Variants in PDE11A observed in about 807,000 individuals in gnomAD.
PDE11A encodes the protein dual 3',5'-cyclic-AMP and -GMP phosphodiesterase 11A.
In PDE11A, 100 loss-of-function variants were observed where a neutral mutation model predicts 100.5. That is an observed-to-expected ratio of 1.00 (90% CI 0.85 to 1.18). The LOEUF is 1.18. Ranked by LOEUF, PDE11A falls within the 50% of genes most tolerant of loss-of-function variation. The probability of loss-of-function intolerance (pLI) is 0.00; values close to 1 mark genes in which losing one functional copy is unlikely to be tolerated. For missense variants in PDE11A, 1,141 were observed against 1,152.6 expected (o/e 0.99, Z 0.15); for synonymous variants, 381 against 420.8 (o/e 0.91, Z 1.16).
chr2:178,062,953 G>A (rs1386233013), intron 1 of PDE11A, among the ~76,000 whole-genome samples: 1 of 152,082 alleles, frequency 6.6e-6, no homozygotes, highest in Non-Finnish European at 1.5e-5. Context: ...CTTGATTATA[G>A]GCATGAGATT....
intron 5 of PDE11A, among the ~76,000 whole-genome samples, chr2:177,870,893 G>A (rs1290138092): frequency 6.6e-6 from 1 of 152,110 alleles, no homozygotes; most frequent in Non-Finnish European, 1.5e-5. Flanking sequence ...GCAAATACCT[G>A]TATTCTCCCA....
At chr2:178,067,885 A>G (rs1176144632) in intron 1 of PDE11A, among the ~76,000 whole-genome samples, 1 of 152,182 alleles carries the variant, frequency 6.6e-6, no homozygotes, top group African/African-American at 2.4e-5. Flanking sequence ...GCCTTCTGAA[A>G]GGCAGGCGCA....
At chr2:177,756,049 T>C (rs138094668) in intron 10 of PDE11A, among the ~76,000 whole-genome samples, 1 of 152,228 alleles carries the variant, frequency 6.6e-6, no homozygotes, top group Admixed American at 6.5e-5. Context: ...TTTTACATAC[T>C]ATATAGAGGA....
At chr2:177,762,884 A>AAGGG (rs1389789489) in intron 10 of PDE11A, among the ~76,000 whole-genome samples, 1 of 152,156 alleles carries the variant, frequency 6.6e-6, no homozygotes. Flanking sequence ...AAGGGCCCTC[A>AAGGG]ATACCTAGCC....
chr2:177,984,279 A>G (rs2085916387), intron 2 of PDE11A, among the ~76,000 whole-genome samples: 3 of 152,350 alleles, frequency 2.0e-5, no homozygotes, highest in South Asian at 4.1e-4. Flanking sequence ...TCTTGTAAAC[A>G]GATTGTAGCA....
At chr2:178,000,550 G>A (rs909787359) in intron 2 of PDE11A, among the ~76,000 whole-genome samples, 3 of 152,126 alleles carry the variant, frequency 2.0e-5, no homozygotes, top group African/African-American at 4.8e-5. Flanking sequence ...TTCATTCTCA[G>A]TTGAGGAAAA....
intron 4 of PDE11A, among the ~76,000 whole-genome samples, chr2:177,881,343 C>A (rs1395329107): frequency 3.2e-5 from 3 of 94,572 alleles, no homozygotes; most frequent in Non-Finnish European, 6.9e-5. Context: ...ATCTATCTGT[C>A]TATCTATCTA....
intron 4 of PDE11A, among the ~76,000 whole-genome samples, chr2:177,892,527 C>T (rs2084546166): frequency 6.6e-6 from 1 of 152,232 alleles, no homozygotes; most frequent in African/African-American, 2.4e-5. Flanking sequence ...AGCCTCAAGT[C>T]TGCTTATTGG....
chr2:178,057,493 C>A (rs1477964548), intron 1 of PDE11A, among the ~76,000 whole-genome samples: 1 of 152,176 alleles, frequency 6.6e-6, no homozygotes, highest in East Asian at 1.9e-4. Context: ...GAGTTCCCAG[C>A]CTGACCTTTT....
intron 4 of PDE11A, chr2:177,888,633 A>G (rs949798510): frequency 1.2e-6 from 1 of 821,720 alleles, no homozygotes; most frequent in Non-Finnish European, 1.5e-6. Flanking sequence ...TGAGAGAGGC[A>G]ATCCACAAAA....
Position 178,072,458 on chromosome 2 carries a change from G to A in PDE11A, c.-21C>T. On this transcript the variant is annotated 5_prime_UTR_variant, in exon 1 of 20. Transcript: ENST00000286063. ...GCCATGGTCCCAGACAGCTTTCCTT[G>A]CCTGTTTACACGTGAACCAAATGTT... is the stretch of plus-strand genomic sequence containing the variant. 4.3e-6 allele frequency: 7 copies of A among 1,612,714 alleles called. No homozygotes were observed. Among genetic ancestry groups the A allele is most frequent in the Non-Finnish European group, 5.9e-6 (7 of 1,179,994 alleles).
chr2:177,994,902 A>T (rs2086050893), intron 2 of PDE11A, among the ~76,000 whole-genome samples: 2 of 152,150 alleles, frequency 1.3e-5, no homozygotes, highest in Non-Finnish European at 2.9e-5. Context: ...CAAAAGAAAA[A>T]AAAAACCACA....
intron 19 of PDE11A, among the ~76,000 whole-genome samples, chr2:177,652,622 T>TA (rs1054471622): frequency 6.6e-6 from 1 of 152,064 alleles, no homozygotes; most frequent in Non-Finnish European, 1.5e-5. Flanking sequence ...GATGGGACTA[T>TA]ACGCATGAGA....
intron 9 of PDE11A, among the ~76,000 whole-genome samples, chr2:177,783,371 T>C (rs1175926465): frequency 3.3e-5 from 5 of 152,144 alleles, no homozygotes; most frequent in Non-Finnish European, 7.4e-5. Context: ...ATTTATTAGC[T>C]CAGTGGTTAG....
intron 13 of PDE11A, among the ~76,000 whole-genome samples, chr2:177,709,402 A>G (rs1559154011): frequency 6.6e-6 from 1 of 152,102 alleles, no homozygotes; most frequent in African/African-American, 2.4e-5. Context: ...GGGGAGCTGC[A>G]GGGTAGGCTG....
intron 5 of PDE11A, among the ~76,000 whole-genome samples, chr2:177,846,441 C>T (rs1558969489): frequency 6.6e-6 from 1 of 152,178 alleles, no homozygotes. Context: ...AGTTTAATCA[C>T]AAAGGAAAGG....
chr2:177,856,710 C>A (rs116372000), intron 5 of PDE11A, among the ~76,000 whole-genome samples: 3,830 of 152,086 alleles, frequency 0.025, 87 homozygotes, highest in Non-Finnish European at 0.035. Flanking sequence ...AAAAAAGCAT[C>A]ATTGAACTTG....
intron 5 of PDE11A, among the ~76,000 whole-genome samples, chr2:177,855,202 G>A (rs2083810327): frequency 6.6e-6 from 1 of 152,004 alleles, no homozygotes; most frequent in Non-Finnish European, 1.5e-5. Flanking sequence ...TATATACTGT[G>A]GAAATATTTT....
chr2:177,755,882 G>A lies in PDE11A; in HGVS notation c.1788+13441C>T, dbSNP rs775818585. Among the ~76,000 whole-genome samples, 55 of 152,230 alleles carry A rather than the reference G, an allele frequency of 3.6e-4. 1 individual carries two copies. The highest frequency in any genetic ancestry group is 3.2e-3 in the Middle Eastern group (1 of 316). On this transcript the variant is annotated intron_variant, in intron 10 of 19. Coordinates refer to ENST00000286063, the MANE Select transcript of PDE11A (RefSeq NM_016953.4). ...TCATATTTGGCCCAAGGGGCCACCT[G>A]GGTGCTTAGTGGAGAGTCACAGCAG...
Sources: allele counts gnomAD v4.1 joint callset (sites outside exome capture counted in the v4.1 genomes callset), GRCh38; gene constraint gnomAD v4.1.1; transcripts MANE v1.5; gene names NCBI Gene and HGNC (gene_info 2026-07-23, HGNC 2026-07-21).